Variants in METTL15 observed in about 807,000 individuals in gnomAD.
The protein encoded by METTL15 is methyltransferase 15, mitochondrial 12S rRNA N4-cytidine.
Under a neutral mutation model 38.3 loss-of-function variants are expected in METTL15, and 34 were observed. That is an observed-to-expected ratio of 0.89 (90% confidence interval 0.68 to 1.18). The LOEUF (loss-of-function observed/expected upper bound fraction) is 1.18. Ranked by LOEUF, METTL15 falls within the 50% of genes most tolerant of loss-of-function variation. METTL15 has a pLI of 0.00. For synonymous variants in METTL15, 162 were observed against 170.9 expected, an observed-to-expected ratio of 0.95 and a Z score of 0.41; for missense variants, 438 against 498.4, an observed-to-expected ratio of 0.88 and a Z score of 1.15.
At chr11:28,265,299 G>A (rs1225608250) in intron 4 of METTL15, among the ~76,000 whole-genome samples, 6 of 151,566 alleles carry the variant, frequency 4.0e-5, no homozygotes, top group East Asian at 1.9e-4. Flanking sequence ...CAAGGTCTCA[G>A]CTACTCAATT....
chr11:28,158,493 A>C (rs1189690681), intron 3 of METTL15, among the ~76,000 whole-genome samples: 1 of 152,130 alleles, frequency 6.6e-6, no homozygotes, highest in East Asian at 1.9e-4. Context: ...ATATGGCACC[A>C]TTCCTTGGTG....
chr11:28,187,884 A>G (rs1353175248), intron 3 of METTL15, among the ~76,000 whole-genome samples: 1 of 151,278 alleles, frequency 6.6e-6, no homozygotes, highest in East Asian at 1.9e-4. Context: ...TTTCTAATAA[A>G]TTTCCTAAAA....
At chr11:28,528,979 T>A (rs940193553), downstream of METTL15, among the ~76,000 whole-genome samples, 5 of 152,194 alleles carry the variant, frequency 3.3e-5, no homozygotes, top group South Asian at 2.1e-4. Context: ...ATAACTGGAA[T>A]GAGGTAGAAT....
intron 3 of METTL15, among the ~76,000 whole-genome samples, chr11:28,198,293 A>G (rs918648909): frequency 6.6e-6 from 1 of 152,116 alleles, no homozygotes; most frequent in Non-Finnish European, 1.5e-5. Flanking sequence ...GACTTGGACT[A>G]TGATTAAATA....
At chr11:28,323,041 T>C (rs1849521804) in intron 6 of METTL15, among the ~76,000 whole-genome samples, 1 of 152,176 alleles carries the variant, frequency 6.6e-6, no homozygotes. Flanking sequence ...TGTATATATA[T>C]GCACATATAC....
At chr11:28,403,511 TA>T (rs1416081576) in intron 5 of METTL15, among the ~76,000 whole-genome samples, 1 of 152,002 alleles carries the variant, frequency 6.6e-6, no homozygotes, top group Non-Finnish European at 1.5e-5. Context: ...CAATCTAGAA[TA>T]GGGGTTAATA....
chr11:28,300,824 A>C (rs1856887572), intron 6 of METTL15, among the ~76,000 whole-genome samples: 1 of 152,144 alleles, frequency 6.6e-6, no homozygotes, highest in East Asian at 1.9e-4. Context: ...TGTTTATTCT[A>C]ATGTTCTAGC....
At chr11:28,446,544 G>GA (rs1440428212) in intron 6 of METTL15, among the ~76,000 whole-genome samples, 4 of 151,518 alleles carry the variant, frequency 2.6e-5, no homozygotes, top group African/African-American at 7.3e-5. Context: ...TTAGGCTAAA[G>GA]AAAAAAAACC....
intron 6 of METTL15, among the ~76,000 whole-genome samples, chr11:28,438,348 C>A (rs896382408): frequency 6.6e-6 from 1 of 152,212 alleles, no homozygotes; most frequent in Non-Finnish European, 1.5e-5. Flanking sequence ...TAGGACTGGG[C>A]TTGTCCTTGT....
At chr11:28,294,662 G>A (rs1444162153) in intron 5 of METTL15, among the ~76,000 whole-genome samples, 2 of 152,082 alleles carry the variant, frequency 1.3e-5, no homozygotes, top group African/African-American at 4.8e-5. Context: ...CTGGAGGACT[G>A]ACAAGATCAA....
chr11:28,139,388 G>C (rs1849621321), intron 3 of METTL15, among the ~76,000 whole-genome samples: 1 of 152,164 alleles, frequency 6.6e-6, no homozygotes, highest in African/African-American at 2.4e-5. Context: ...GAATAACCGG[G>C]TTATGTGAGG....
At chr11:28,424,007 TA>T (rs1265133512) in intron 5 of METTL15, among the ~76,000 whole-genome samples, 8 of 152,176 alleles carry the variant, frequency 5.3e-5, no homozygotes, top group South Asian at 2.1e-4. Flanking sequence ...AACTTTTTTT[TA>T]AAAAACCCCA....
At chr11:28,422,085 T>C (rs2133421948) in intron 5 of METTL15, among the ~76,000 whole-genome samples, 1 of 152,154 alleles carries the variant, frequency 6.6e-6, no homozygotes, top group East Asian at 1.9e-4. Flanking sequence ...TAATTCCATT[T>C]ACAATAGCTA....
intron 5 of METTL15, among the ~76,000 whole-genome samples, chr11:28,417,323 A>G (rs1446398000): frequency 6.6e-6 from 1 of 152,166 alleles, no homozygotes; most frequent in African/African-American, 2.4e-5. Context: ...GAATAATGCA[A>G]AATAAAATAT....
chr11:28,141,107 T>C (rs2133660293), intron 3 of METTL15, among the ~76,000 whole-genome samples: 1 of 152,268 alleles, frequency 6.6e-6, no homozygotes, highest in African/African-American at 2.4e-5. Flanking sequence ...ATGGGAGATA[T>C]TTCTCAAATC....
intron 3 of METTL15, among the ~76,000 whole-genome samples, chr11:28,340,832 A>G (rs561548317): frequency 4.6e-5 from 7 of 152,320 alleles, no homozygotes; most frequent in African/African-American, 1.7e-4. Flanking sequence ...TGTATACCCA[A>G]AGGATTATAA....
At chr11:28,377,972 G>T (rs1346092116) in intron 5 of METTL15, among the ~76,000 whole-genome samples, 1 of 152,148 alleles carries the variant, frequency 6.6e-6, no homozygotes, top group East Asian at 1.9e-4. Context: ...CTGCTCGGGG[G>T]TCAGGGGTCA....
At chr11:28,436,828 G>A (rs1237305310) in intron 6 of METTL15, among the ~76,000 whole-genome samples, 5 of 152,134 alleles carry the variant, frequency 3.3e-5, no homozygotes. Context: ...AGGTTGCAAA[G>A]TATTGTTCCT....
chr11:28,217,167 C>G (rs1021080132), intron 4 of METTL15, among the ~76,000 whole-genome samples: 6 of 152,198 alleles, frequency 3.9e-5, no homozygotes, highest in Non-Finnish European at 8.8e-5. Flanking sequence ...AACTAGTTTA[C>G]AGTCCCACCA....
Sources: gnomAD v4.1 joint callset for allele counts (sites outside exome capture counted in the v4.1 genomes callset) on GRCh38, gnomAD v4.1.1 for gene constraint, MANE v1.5 for transcripts, NCBI Gene and HGNC (gene_info 2026-07-23, HGNC 2026-07-21) for gene names.